Variants in CNTN4 observed in about 807,000 individuals in gnomAD.
The protein encoded by CNTN4 is contactin 4.
A neutral mutation model predicts 122.5 loss-of-function variants in CNTN4; 77 were observed. That is an observed-to-expected ratio of 0.63 (90% CI 0.52 to 0.76). The LOEUF (loss-of-function observed/expected upper bound fraction) is 0.76, where lower values mean the gene tolerates loss of function less well. CNTN4 is among the 30% of genes least tolerant of loss of function. CNTN4 has a pLI of 0.00. For synonymous variants in CNTN4, 512 were observed against 447.0 expected, an observed-to-expected ratio of 1.15 and a Z score of -1.83; for missense variants, 1,256 against 1,259.1, an observed-to-expected ratio of 1.00 and a Z score of 0.04.
At chr3:2,609,824 A>T (rs997033899) in intron 4 of CNTN4, among the ~76,000 whole-genome samples, 3 of 152,166 alleles carry the variant, frequency 2.0e-5, no homozygotes, top group Admixed American at 6.5e-5. Context: ...ATTTTTTACT[A>T]TCAATAAAGA....
intron 1 of CNTN4, among the ~76,000 whole-genome samples, 157 bp from the exon 2 acceptor site, chr3:2,100,401 T>C (rs757804863): frequency 6.6e-6 from 1 of 152,194 alleles, no homozygotes; most frequent in Non-Finnish European, 1.5e-5. Flanking sequence ...AACGCGCTTG[T>C]ATTTTTTTGT....
intron 14 of CNTN4, chr3:3,009,108 C>T (rs1458200999): frequency 3.5e-6 from 3 of 854,818 alleles, no homozygotes; most frequent in Non-Finnish European, 4.2e-6. Flanking sequence ...CATGCCTTGC[C>T]CTGGCATGAC....
chr3:2,616,872 C>G (rs2081766813), intron 4 of CNTN4, among the ~76,000 whole-genome samples: 1 of 152,046 alleles, frequency 6.6e-6, no homozygotes, highest in Admixed American at 6.6e-5. Flanking sequence ...ACAAACCTGA[C>G]AAAAACAAGC....
chr3:2,139,673 G>A (rs1266540007), intron 2 of CNTN4, among the ~76,000 whole-genome samples: 2 of 152,208 alleles, frequency 1.3e-5, no homozygotes, highest in East Asian at 3.8e-4. Context: ...GAGTTGAAGG[G>A]CATTCTTGCA....
rs181446978 is a variant in CNTN4, at chr3:2,871,403, A to G, written c.652+4454A>G. Among the ~76,000 whole-genome samples the G allele has an allele frequency of 4.6e-5, 7 of 152,316 alleles. No individual in the cohort carries two copies. The East Asian group carries it at 7.7e-4, about 17-fold the overall frequency. ...TTCTTTTTTAAAATAGTGGATAATG[A>G]CAGGGAAAAGTGGAATAATACTCTC... On this transcript the variant is annotated intron_variant, in intron 8 of 24. Coordinates refer to ENST00000418658, the MANE Select transcript of CNTN4 (RefSeq NM_175607.3).
chr3:2,133,929 A>G (rs1265579913), intron 2 of CNTN4, among the ~76,000 whole-genome samples: 2 of 152,186 alleles, frequency 1.3e-5, no homozygotes, highest in East Asian at 1.9e-4. Context: ...AAAATTGAGT[A>G]TGTCTCCTAT....
At chr3:2,876,562 G>A (rs1265903338) in intron 8 of CNTN4, among the ~76,000 whole-genome samples, 1 of 152,138 alleles carries the variant, frequency 6.6e-6, no homozygotes, top group Non-Finnish European at 1.5e-5. Context: ...TAAGGCAGGT[G>A]TTGGCAAAAA....
intron 6 of CNTN4, 70 bp from the exon 7 acceptor site, chr3:2,819,416 T>C (rs1489224446): frequency 8.5e-6 from 10 of 1,183,410 alleles, no homozygotes; most frequent in Non-Finnish European, 7.6e-6. Flanking sequence ...TCTTTTGAAA[T>C]AGTGGTACTC....
At chr3:2,615,596 G>A (rs116633359) in intron 4 of CNTN4, among the ~76,000 whole-genome samples, 1,601 of 152,236 alleles carry the variant, frequency 0.011, 23 homozygotes, top group African/African-American at 0.036. Flanking sequence ...AAAACTTAGA[G>A]GGCTAAGCAG....
At chr3:2,791,775 G>C (rs1576809054) in intron 6 of CNTN4, among the ~76,000 whole-genome samples, 1 of 152,326 alleles carries the variant, frequency 6.6e-6, no homozygotes, top group East Asian at 1.9e-4. Context: ...TTTTAGGGAA[G>C]AATCTTTGCG....
intron 3 of CNTN4, among the ~76,000 whole-genome samples, chr3:2,368,519 C>G (rs1266615199): frequency 6.6e-6 from 1 of 152,064 alleles, no homozygotes; most frequent in Admixed American, 6.5e-5. Context: ...TTTTGACACC[C>G]CACAAATTTA....
At chr3:2,840,951 T>A (rs62234218) in intron 7 of CNTN4, among the ~76,000 whole-genome samples, 18,299 of 152,106 alleles carry the variant, frequency 0.12, 1,118 homozygotes, top group Middle Eastern at 0.2. Context: ...GCTAAAGAGG[T>A]GATGCTTCCT....
chr3:2,980,080 T>C (rs1252505026), intron 13 of CNTN4, among the ~76,000 whole-genome samples: 1 of 152,188 alleles, frequency 6.6e-6, no homozygotes, highest in Non-Finnish European at 1.5e-5. Flanking sequence ...AATGTCAACT[T>C]TTCAATGGCT....
At chr3:3,007,815 T>C (rs1311371645) in intron 14 of CNTN4, among the ~76,000 whole-genome samples, 3 of 152,182 alleles carry the variant, frequency 2.0e-5, no homozygotes, top group Non-Finnish European at 4.4e-5. Context: ...GAAGTGACAC[T>C]GGGCTATCAT....
At chr3:2,729,290 C>A (rs182090709) in intron 4 of CNTN4, among the ~76,000 whole-genome samples, 251 of 152,140 alleles carry the variant, frequency 1.6e-3, no homozygotes, top group Middle Eastern at 0.014. Flanking sequence ...AGTGGCCGGG[C>A]GCGGTGGCTC....
At chr3:2,594,853 T>C (rs1472607352) in intron 4 of CNTN4, among the ~76,000 whole-genome samples, 2 of 152,238 alleles carry the variant, frequency 1.3e-5, no homozygotes, top group Non-Finnish European at 1.5e-5. Context: ...TTTTTTCTTA[T>C]TCATTTTCAA....
intron 2 of CNTN4, among the ~76,000 whole-genome samples, chr3:2,336,289 A>G (rs2043951281): frequency 6.6e-6 from 1 of 152,138 alleles, no homozygotes; most frequent in South Asian, 2.1e-4. Flanking sequence ...GAGGTCAGGA[A>G]TCTTGGTCTG....
At chr3:2,594,895 C>T (rs2149691500) in intron 4 of CNTN4, among the ~76,000 whole-genome samples, 1 of 152,168 alleles carries the variant, frequency 6.6e-6, no homozygotes, top group Admixed American at 6.5e-5. Context: ...TTATTTCTTG[C>T]CTCTGATCCC....
intron 3 of CNTN4, among the ~76,000 whole-genome samples, chr3:2,458,956 G>T (rs951980169): frequency 2.0e-5 from 3 of 152,090 alleles, no homozygotes; most frequent in African/African-American, 7.2e-5. Flanking sequence ...TTTCCGCCTA[G>T]CATGCTTTGC....
Sources: allele counts gnomAD v4.1 joint callset (sites outside exome capture counted in the v4.1 genomes callset), GRCh38; gene constraint gnomAD v4.1.1; transcripts MANE v1.5; gene names NCBI Gene and HGNC (gene_info 2026-07-23, HGNC 2026-07-21).